MOB2: variants seen among roughly 807,000 people sequenced by gnomAD.
MOB2 encodes MOB2 Mps One Binder homolog.
A neutral mutation model predicts 27.4 loss-of-function variants in MOB2; 14 were observed. The ratio of observed to expected loss-of-function variants is 0.51; its 90% CI spans 0.34 to 0.80. The LOEUF (loss-of-function observed/expected upper bound fraction) is 0.80, where lower values mean the gene tolerates loss of function less well. Among genes scored for constraint, MOB2 ranks in the 30% least tolerant of loss-of-function variants. The probability of loss-of-function intolerance (pLI) is 0.01; values close to 1 mark genes in which losing one functional copy is unlikely to be tolerated. For missense variants in MOB2, 304 were observed against 354.6 expected (o/e 0.86, Z 1.15); for synonymous variants, 167 against 151.8 (o/e 1.10, Z -0.74).
At chr11:1,472,418 CA>C (rs2133358316) in intron 3 of MOB2, 1 of 152,528 alleles carries the variant, frequency 6.6e-6, no homozygotes, top group East Asian at 1.9e-4. Context: ...GCTCCCAGCT[CA>C]CCACAGGTGG....
chr11:1,481,165 T>G, intron 1 of MOB2: 1 of 575,246 alleles, frequency 1.7e-6, no homozygotes, highest in Non-Finnish European at 3.2e-6. Flanking sequence ...TCCTCACCCC[T>G]CACCAAGTCC....
In MOB2 at chr11:1,480,718, C is replaced by T. The variant is rs560324078; in HGVS notation, c.271+7G>A. 2.2e-5 allele frequency: 35 copies of T among 1,600,722 alleles called. No individual in the cohort carries two copies. Among genetic ancestry groups the T allele is most frequent in the African/African-American group, 1.6e-4 (12 of 74,842 alleles). On this transcript the variant is annotated splice_region_variant and intron_variant, in intron 2 of 4. Transcript: ENST00000329957. ...GGGAGGGGGCCCGCCCCCAGGCCCC[C>T]GCGCACTGTTGCTGGCCAGCCACTC...
In MOB2 at chr11:1,470,253, G is replaced by A. The variant is rs368767475; in HGVS notation, c.726C>T (p.Ala242=). 3.5e-5 allele frequency: 57 copies of A among 1,612,380 alleles called. No individual in the cohort carries two copies. In the Middle Eastern group the frequency reaches 4.9e-4, roughly 14 times the overall value. Residue 242 remains alanine (A), a synonymous_variant, in exon 5 of 5, where the codon GCC becomes GCT. Transcript: ENST00000329957. ...DDLTEVLCSG[A]GGVHSGGSGD... The stretch of plus-strand genomic sequence containing the variant: ...CACTGCCCCCACTGTGGACCCCGCC[G>A]GCCCCGCTGCATAGCACCTCGGTGA...
At chr11:1,485,557 C>A (rs1423635201) in intron 1 of MOB2, among the ~76,000 whole-genome samples, 2 of 152,214 alleles carry the variant, frequency 1.3e-5, no homozygotes, top group Non-Finnish European at 2.9e-5. Flanking sequence ...CAGGGACAGG[C>A]AGAGGCACGG....
Position 1,486,505 on chromosome 11 carries a change from A to ACTGGC in MOB2, c.47_51dup (p.Ser18AlafsTer131). 2 of 1,535,830 alleles carry ACTGGC rather than the reference A, an allele frequency of 1.3e-6. No individual in the cohort carries two copies. The highest frequency in any genetic ancestry group is 1.7e-6 in the Non-Finnish European group (2 of 1,146,804). ...TTGCAGCAGAGTCCACTTTGCAGGGACTGGCCGGGCCGGGCTTGGTCTTCA... is the reference window on the plus strand; with the variant it reads ...TTGCAGCAGAGTCCACTTTGCAGGGACTGGCCTGGCCGGGCCGGGCTTGGTCTTCA... On this transcript the variant is annotated frameshift_variant, in exon 1 of 5. Transcript: ENST00000329957. LOFTEE classifies it high-confidence loss of function.
intron 2 of MOB2, 97 bp from the exon 3 acceptor site, chr11:1,480,583 G>A (rs1847900061): frequency 4.6e-6 from 7 of 1,530,430 alleles, no homozygotes; most frequent in African/African-American, 1.4e-5. Context: ...GCTCGGCTGG[G>A]TGAGCTCTGC....
At position 1,471,304 on chromosome 11, in the gene MOB2, T is replaced by G; in HGVS notation, c.481A>C (p.Thr161Pro). The G allele has an allele frequency of 6.2e-7, 1 of 1,612,852 alleles. No homozygotes were observed. Among genetic ancestry groups the G allele is most frequent in the Non-Finnish European group, 8.5e-7 (1 of 1,179,518 alleles). ...GCTGGGGGAGACGAACCGTATTTTG[T>G]GGGGAACACGTCCTCATCCGTCACC... ...KLVTDEDVFP[T>P]KYGREFPSSF... The change falls in exon 4 of 5, where the codon ACA (threonine) becomes CCA (proline). Residue 161 changes from threonine to proline, a missense_variant. Physicochemically the swap from Thr to Pro is conservative, Grantham distance 38. Coordinates refer to ENST00000329957, the MANE Select transcript of MOB2 (RefSeq NM_001172223.3).
intron 3 of MOB2, among the ~76,000 whole-genome samples, chr11:1,479,084 G>C (rs1847882546): frequency 6.6e-6 from 1 of 152,174 alleles, no homozygotes. Flanking sequence ...GCCCTCCAAG[G>C]GGACATAGGT....
chr11:1,476,364 C>G (rs1252320385), intron 3 of MOB2, among the ~76,000 whole-genome samples: 4 of 152,298 alleles, frequency 2.6e-5, no homozygotes, highest in South Asian at 2.1e-4. Context: ...TTAACCCAAG[C>G]CATAGAATTC....
intron 3 of MOB2, among the ~76,000 whole-genome samples, chr11:1,477,042 G>A (rs2133362451): frequency 6.6e-6 from 1 of 152,316 alleles, no homozygotes; most frequent in South Asian, 2.1e-4. Flanking sequence ...AAAGATGGGT[G>A]TTCTGCTGTT....
At chr11:1,477,117 C>T (rs1279737360) in intron 3 of MOB2, among the ~76,000 whole-genome samples, 1 of 152,142 alleles carries the variant, frequency 6.6e-6, no homozygotes, top group Non-Finnish European at 1.5e-5. Context: ...TCCGTGCTCT[C>T]GCTGACTGTC....
At chr11:1,485,729 G>C (rs1237553008) in intron 1 of MOB2, among the ~76,000 whole-genome samples, 1 of 151,790 alleles carries the variant, frequency 6.6e-6, no homozygotes, top group Non-Finnish European at 1.5e-5. Flanking sequence ...CCACACACGG[G>C]TGCACACTCC....
chr11:1,481,168 C>T, intron 1 of MOB2: 1 of 568,872 alleles, frequency 1.8e-6, no homozygotes, highest in Non-Finnish European at 3.2e-6. Context: ...TCACCCCTCA[C>T]CAAGTCCTCC....
chr11:1,481,125 C>A, intron 1 of MOB2: 1 of 649,696 alleles, frequency 1.5e-6, no homozygotes. Context: ...GGCGCTCCCA[C>A]TTGCCACACG....
intron 3 of MOB2, among the ~76,000 whole-genome samples, chr11:1,475,508 C>T (rs553753451): frequency 6.6e-6 from 1 of 152,346 alleles, no homozygotes; most frequent in East Asian, 1.9e-4. Flanking sequence ...CGCTGTGTTG[C>T]TAAGTTAGTC....
intron 1 of MOB2, among the ~76,000 whole-genome samples, chr11:1,486,138 G>A (rs1406397074): frequency 3.3e-5 from 5 of 152,252 alleles, no homozygotes; most frequent in East Asian, 3.9e-4. Flanking sequence ...GGTCAACCCC[G>A]AAGGTCGAGG....
At chr11:1,472,894 G>A (rs576791325) in intron 3 of MOB2, 22 of 156,046 alleles carry the variant, frequency 1.4e-4, no homozygotes, top group Non-Finnish European at 2.1e-4. Flanking sequence ...GGCCTCCAGC[G>A]TCTCTGGGCA....
intron 4 of MOB2, 84 bp from the exon 5 acceptor site, chr11:1,470,572 C>T (rs567397760): frequency 6.9e-7 from 1 of 1,445,570 alleles, no homozygotes; most frequent in Admixed American, 2.2e-5. Context: ...CCTGGTGGGT[C>T]TGGTACCTGC....
At chr11:1,479,961 C>T (rs1471377470) in intron 3 of MOB2, among the ~76,000 whole-genome samples, 1 of 152,224 alleles carries the variant, frequency 6.6e-6, no homozygotes, top group Non-Finnish European at 1.5e-5. Flanking sequence ...GCTACCAGCA[C>T]CAGGCATGTT....
Sources: gnomAD v4.1 joint callset for allele counts (sites outside exome capture counted in the v4.1 genomes callset) on GRCh38, gnomAD v4.1.1 for gene constraint, MANE v1.5 for transcripts, NCBI Gene and HGNC (gene_info 2026-07-23, HGNC 2026-07-21) for gene names.